ADGRL2: variants seen among roughly 807,000 people sequenced by gnomAD.
The protein encoded by ADGRL2 is calcium-independent alpha-latrotoxin receptor 2.
In ADGRL2, 44 loss-of-function variants were observed where a neutral mutation model predicts 157.4. The ratio of observed to expected loss-of-function variants is 0.28; its 90% confidence interval spans 0.22 to 0.36. The LOEUF is 0.36. Ranked by LOEUF, ADGRL2 falls within the 10% of genes least tolerant of loss-of-function variation. The pLI, the probability that ADGRL2 is intolerant of heterozygous loss-of-function variation, is 1.00. For synonymous variants in ADGRL2, 585 were observed against 624.7 expected (o/e 0.94, Z 0.95); for missense variants, 1,510 against 1,768.9 (o/e 0.85, Z 2.63).
At chr1:81,902,022 A>T (rs2094496697) in intron 2 of ADGRL2, among the ~76,000 whole-genome samples, 1 of 152,172 alleles carries the variant, frequency 6.6e-6, no homozygotes, top group Admixed American at 6.6e-5. Flanking sequence ...GGGAGACATA[A>T]GTCAGAAATC....
chr1:81,716,134 C>T (rs764895384), intron 1 of ADGRL2, among the ~76,000 whole-genome samples: 14 of 152,112 alleles, frequency 9.2e-5, no homozygotes, highest in African/African-American at 3.1e-4. Flanking sequence ...TAACACAGTC[C>T]GTCAAATCTT....
chr1:81,947,911 A>G (rs375929946), intron 6 of ADGRL2, among the ~76,000 whole-genome samples: 9 of 152,112 alleles, frequency 5.9e-5, no homozygotes, highest in East Asian at 1.9e-4. Context: ...CCTTTAATCT[A>G]TTTTGGTGAT....
upstream of ADGRL2, among the ~76,000 whole-genome samples, chr1:81,800,129 T>A (rs1489356958): frequency 1.3e-5 from 2 of 152,182 alleles, no homozygotes; most frequent in East Asian, 3.9e-4. Context: ...AACAGCTCTG[T>A]GACTATACTT....
chr1:81,504,328 T>TTCAGC (rs2078922201), intron 2 of ADGRL2, among the ~76,000 whole-genome samples: 1 of 152,132 alleles, frequency 6.6e-6, no homozygotes, highest in Admixed American at 6.6e-5. Flanking sequence ...TTCAGCCTTC[T>TTCAGC]TCAGCCCTCT....
chr1:81,509,699 T>C (rs2079041433), intron 2 of ADGRL2, among the ~76,000 whole-genome samples: 3 of 152,190 alleles, frequency 2.0e-5, no homozygotes, highest in Admixed American at 1.3e-4. Context: ...TTCCATCTTT[T>C]ATGTAAAGCA....
intron 1 of ADGRL2, among the ~76,000 whole-genome samples, chr1:81,815,487 A>T (rs374384174): frequency 6.6e-6 from 1 of 151,858 alleles, no homozygotes; most frequent in African/African-American, 2.4e-5. Flanking sequence ...TAGGATTCAG[A>T]TAACAGCTAC....
At chr1:81,310,779 A>G (rs1192600958) in intron 1 of ADGRL2, among the ~76,000 whole-genome samples, 1 of 151,400 alleles carries the variant, frequency 6.6e-6, no homozygotes, top group Non-Finnish European at 1.5e-5. Flanking sequence ...TTGCTGAGTG[A>G]GTCCCTTAGC....
At chr1:81,414,513 C>G (rs889378467) in intron 1 of ADGRL2, 1 of 152,426 alleles carries the variant, frequency 6.6e-6, no homozygotes, top group African/African-American at 2.4e-5. Context: ...CAGCAGCTCT[C>G]TGGGGCAGAA....
At chr1:81,339,037 ACT>A (rs1349192726) in intron 1 of ADGRL2, among the ~76,000 whole-genome samples, 1 of 151,950 alleles carries the variant, frequency 6.6e-6, no homozygotes, top group African/African-American at 2.4e-5. Context: ...TTCATGGTTT[ACT>A]CTCTCTCTTG....
At chr1:81,654,982 T>TCACC in intron 3 of ADGRL2, among the ~76,000 whole-genome samples, 1 of 152,084 alleles carries the variant, frequency 6.6e-6, no homozygotes, top group East Asian at 1.9e-4. Context: ...AGATGGAGTC[T>TCACC]CTGTCACCCA....
intron 17 of ADGRL2, among the ~76,000 whole-genome samples, chr1:81,972,540 A>ATAT (rs1659047371): frequency 6.6e-6 from 1 of 152,198 alleles, no homozygotes; most frequent in South Asian, 2.1e-4. Context: ...TAAACATCTT[A>ATAT]TATTACCCTT....
intron 1 of ADGRL2, among the ~76,000 whole-genome samples, chr1:81,750,170 T>G (rs2085442638): frequency 6.6e-6 from 1 of 152,194 alleles, no homozygotes; most frequent in African/African-American, 2.4e-5. Context: ...TTTTCTATCT[T>G]TCTGTTCACC....
chr1:81,679,841 TAGCAGTCACTA>T (rs1031180878), intron 3 of ADGRL2, among the ~76,000 whole-genome samples: 1 of 152,210 alleles, frequency 6.6e-6, no homozygotes, highest in Non-Finnish European at 1.5e-5. Context: ...TAATTTGTTT[TAGCAGTCACTA>T]AGCAGAGACC....
intron 2 of ADGRL2, among the ~76,000 whole-genome samples, chr1:81,871,464 G>A (rs190070740): frequency 3.2e-4 from 49 of 152,110 alleles, no homozygotes; most frequent in African/African-American, 1.0e-3. Flanking sequence ...ATGGGATAGC[G>A]GGGTCAAATG....
At chr1:81,426,009 G>A (rs2077207643) in intron 1 of ADGRL2, among the ~76,000 whole-genome samples, 1 of 152,182 alleles carries the variant, frequency 6.6e-6, no homozygotes, top group Middle Eastern at 3.4e-3. Context: ...TGGGACTACA[G>A]GCATGCACCA....
intron 1 of ADGRL2, among the ~76,000 whole-genome samples, chr1:81,710,185 C>T (rs906225101): frequency 6.6e-6 from 1 of 152,192 alleles, no homozygotes; most frequent in Non-Finnish European, 1.5e-5. Context: ...CATCACTCAT[C>T]CATCTGTTAA....
chr1:81,642,244 T>C (rs757064822), intron 3 of ADGRL2, among the ~76,000 whole-genome samples: 1 of 128,914 alleles, frequency 7.8e-6, no homozygotes. Flanking sequence ...CGAGACTCTG[T>C]CTCCAAAAAA....
At chr1:81,595,793 C>T (rs990168958) in intron 3 of ADGRL2, among the ~76,000 whole-genome samples, 2 of 152,166 alleles carry the variant, frequency 1.3e-5, no homozygotes, top group African/African-American at 4.8e-5. Flanking sequence ...GTGTCTTAGT[C>T]CATTTGGGCT....
intron 2 of ADGRL2, among the ~76,000 whole-genome samples, chr1:81,454,158 A>G (rs1356604124): frequency 6.6e-6 from 1 of 150,960 alleles, no homozygotes; most frequent in Non-Finnish European, 1.5e-5. Flanking sequence ...GAACATCTCA[A>G]TCCTCACTCT....
Sources: gnomAD v4.1 joint callset for allele counts (sites outside exome capture counted in the v4.1 genomes callset) on GRCh38, gnomAD v4.1.1 for gene constraint, MANE v1.5 for transcripts, NCBI Gene and HGNC (gene_info 2026-07-23, HGNC 2026-07-21) for gene names.